The following LRP2BP variants were observed in gnomAD, a reference collection of about 807,000 sequenced individuals.
LRP2BP encodes LRP2 binding protein.
In LRP2BP, 38 loss-of-function variants were observed where a neutral mutation model predicts 45.2. The observed-to-expected ratio is 0.84, with a 90% CI of 0.65 to 1.10. The LOEUF is 1.10. LRP2BP is among the 50% of genes least tolerant of loss of function. The pLI is 0.00. For synonymous variants in LRP2BP, 153 were observed against 153.9 expected (o/e 0.99, Z 0.04); for missense variants, 385 against 418.9 (o/e 0.92, Z 0.71).
At chr4:185,379,120 G>T in intron 1 of LRP2BP, 1 of 318,492 alleles carries the variant, frequency 3.1e-6, no homozygotes, top group Non-Finnish European at 4.5e-6. Flanking sequence ...CTTTTTAAGA[G>T]TCAATTTCCT....
intron 8 of LRP2BP, among the ~76,000 whole-genome samples, chr4:185,368,794 T>TG (rs1353119277): frequency 7.0e-6 from 1 of 142,276 alleles, no homozygotes; most frequent in Non-Finnish European, 1.5e-5. Context: ...GAATCTGTTT[T>TG]GTTTTTTTTT....
chr4:185,367,302 TC>T, intron 8 of LRP2BP, 57 bp from the exon 9 acceptor site: 5 of 1,412,456 alleles, frequency 3.5e-6, no homozygotes, highest in South Asian at 1.3e-5. Flanking sequence ...GGGTCTTTCT[TC>T]TTTTTTTTTT....
At position 185,389,029 on chromosome 4, in the gene LRP2BP, G is replaced by A. The variant is rs189214912; in HGVS notation, c.-22+5750C>T. ...CAAGTAGCTGGGATTACAAGTGCCT[G>A]CCACCACACCCAGCTAATTTTTGTA... is the stretch of plus-strand genomic sequence containing the variant. On this transcript the variant is annotated intron_variant, in intron 1 of 8. Transcript: ENST00000505916. 5.5e-3 allele frequency among the ~76,000 whole-genome samples: 829 copies of A among 150,996 alleles called. 8 individuals are homozygous for A. The highest frequency in any genetic ancestry group is 0.019 in the African/African-American group (787 of 41,098).
At chr4:185,375,318 G>T (rs1361822624) in intron 4 of LRP2BP, among the ~76,000 whole-genome samples, 1 of 148,666 alleles carries the variant, frequency 6.7e-6, no homozygotes, top group Admixed American at 6.7e-5. Flanking sequence ...TTAGCCAGGC[G>T]TGGTGGCAGT....
At chr4:185,383,872 G>A (rs911673245) in intron 1 of LRP2BP, among the ~76,000 whole-genome samples, 19 of 152,170 alleles carry the variant, frequency 1.2e-4, no homozygotes, top group Non-Finnish European at 2.4e-4. Context: ...AGGCAGGTGC[G>A]CCGTGTTTTT....
intron 1 of LRP2BP, among the ~76,000 whole-genome samples, chr4:185,386,104 A>G (rs2095471137): frequency 6.6e-6 from 1 of 152,232 alleles, no homozygotes; most frequent in African/African-American, 2.4e-5. Context: ...GAGTCGTGGT[A>G]TCACCATTAT....
In LRP2BP at chr4:185,370,775, G is replaced by C. The variant is rs775396907; in HGVS notation, c.843C>G (p.Ile281Met). ...DYDEVHDIPM[I>M]AQVTDCLPEF... ...CCGGGAGACAGTCTGTGACCTGGGC[G>C]ATCATGGGGATGTCGTGAACCTCAT... is the stretch of plus-strand genomic sequence containing the variant. The change falls in exon 8 of 9, where the codon ATC (isoleucine) becomes ATG (methionine). Residue 281 changes from isoleucine (I) to methionine (M), a missense_variant. Ile to Met is a conservative substitution (Grantham distance 10, BLOSUM62 1). Coordinates refer to ENST00000505916, the MANE Select transcript of LRP2BP (RefSeq NM_001377440.1). 4 of 1,614,104 alleles carry C rather than the reference G, an allele frequency of 2.5e-6. No homozygotes were observed. Among genetic ancestry groups the C allele is most frequent in the Non-Finnish European group, 3.4e-6 (4 of 1,180,002 alleles).
intron 8 of LRP2BP, among the ~76,000 whole-genome samples, chr4:185,369,227 CTTTTTTTTTTT>C (rs35543353): frequency 9.9e-6 from 1 of 100,930 alleles, no homozygotes; most frequent in Non-Finnish European, 1.9e-5. Flanking sequence ...ATACAGAGAG[CTTTTTTTTTTT>C]TTTTTTTTTT....
chr4:185,371,765 A>G (rs1033494890), intron 7 of LRP2BP, among the ~76,000 whole-genome samples: 2 of 152,138 alleles, frequency 1.3e-5, no homozygotes, highest in African/African-American at 4.8e-5. Flanking sequence ...GACACTGGCA[A>G]TCACTCCTGT....
rs542430723 is a variant in LRP2BP at position 185,395,775 on chromosome 4, C to G, written c.-1018G>C. ...TAGAGGACAAGCATGAACTTGTTTT[C>G]TAACAGCATAACAATAAACGTATTT... On this transcript the variant is annotated 5_prime_UTR_variant, in exon 1 of 9. Coordinates refer to ENST00000505916, the MANE Select transcript of LRP2BP (RefSeq NM_001377440.1). The G allele has an allele frequency of 7.6e-4, 746 of 985,286 alleles. No individual in the cohort carries two copies. Among genetic ancestry groups the G allele is most frequent in the Middle Eastern group, 1.0e-3 (2 of 1,934 alleles). The allele number at this position is 985,286 out of a possible 1,614,324, so 61.0% of individuals were successfully genotyped here.
chr4:185,380,510 T>C (rs2095452797), intron 1 of LRP2BP, among the ~76,000 whole-genome samples: 1 of 152,190 alleles, frequency 6.6e-6, no homozygotes, highest in Non-Finnish European at 1.5e-5. Flanking sequence ...CCTCTGCCTC[T>C]GTGTTTACAT....
rs2095497696 is a variant in LRP2BP, at chr4:185,394,879, G to A, written c.-122C>T. Reference sequence around the variant, plus strand: ...AACATGTAGAATTAGCACTGCTTAGGAGAACGCCTATAAAATATGCATCTT... The same window carrying A: ...AACATGTAGAATTAGCACTGCTTAGAAGAACGCCTATAAAATATGCATCTT... On this transcript the variant is annotated 5_prime_UTR_variant, in exon 1 of 9. Coordinates refer to ENST00000505916, the MANE Select transcript of LRP2BP (RefSeq NM_001377440.1). 2 of 985,384 alleles carry A rather than the reference G, an allele frequency of 2.0e-6. No individual in the cohort carries two copies. Among genetic ancestry groups the A allele is most frequent in the Non-Finnish European group, 2.4e-6 (2 of 829,928 alleles). The allele number at this position is 985,384 out of a possible 1,614,324, so 61.0% of individuals were successfully genotyped here.
At chr4:185,367,666 G>A (rs1345295500) in intron 8 of LRP2BP, among the ~76,000 whole-genome samples, 1 of 152,012 alleles carries the variant, frequency 6.6e-6, no homozygotes. Context: ...TAGTGACAAG[G>A]TGCATAATTT....
chr4:185,378,548 A>C (rs764616992), intron 1 of LRP2BP: 3 of 1,033,738 alleles, frequency 2.9e-6, no homozygotes, highest in Non-Finnish European at 3.5e-6. Flanking sequence ...GACACTGCCC[A>C]CAGTCAGAGC....
At chr4:185,377,927 T>A in intron 2 of LRP2BP, 154 bp downstream of exon 2, 1 of 626,896 alleles carries the variant, frequency 1.6e-6, no homozygotes, top group Non-Finnish European at 2.7e-6. Context: ...AATGAGCAAT[T>A]TCACAGATTC....
At chr4:185,376,573 C>A (rs534986896) in intron 3 of LRP2BP, among the ~76,000 whole-genome samples, 1 of 151,320 alleles carries the variant, frequency 6.6e-6, no homozygotes, top group Non-Finnish European at 1.5e-5. Flanking sequence ...GGATTACAGG[C>A]GTGAGCCACC....
chr4:185,372,948 T>G lies in LRP2BP; in HGVS notation c.711A>C (p.Ala237=). Residue 237 remains alanine (A), a synonymous_variant, in exon 7 of 9, where the codon GCA becomes GCC. Coordinates refer to ENST00000505916, the MANE Select transcript of LRP2BP (RefSeq NM_001377440.1). ...TEAALQCLRE[A]AERGNVYAQG... Reference sequence around the variant, plus strand: ...GAGCATAGACGTTTCCGCGTTCTGCTGCTTCTCTTAAGCACTGCAGGGCAG... The same window carrying G: ...GAGCATAGACGTTTCCGCGTTCTGCGGCTTCTCTTAAGCACTGCAGGGCAG... 1 of 1,614,048 alleles carries G rather than the reference T, an allele frequency of 6.2e-7. No individual in the cohort carries two copies. Among genetic ancestry groups the G allele is most frequent in the East Asian group, 2.2e-5 (1 of 44,880 alleles).
Position 185,364,883 on chromosome 4 carries a change from C to T in LRP2BP, c.*2297G>A, listed in dbSNP as rs948727804. ...GCATAATTCTATGCTATCATTTAAA[C>T]TGTAGCTGTTAAGTTTACATTGCGA... On this transcript the variant is annotated 3_prime_UTR_variant, in exon 9 of 9. Coordinates refer to ENST00000505916, the MANE Select transcript of LRP2BP (RefSeq NM_001377440.1). 2 of 152,188 alleles carry T rather than the reference C, an allele frequency of 1.3e-5. No homozygotes were observed. Among genetic ancestry groups the T allele is most frequent in the Non-Finnish European group, 2.9e-5 (2 of 68,040 alleles). The allele number at this position is 152,188 out of a possible 1,614,324, so 9.4% of individuals were successfully genotyped here.
rs2095388991 is a variant in LRP2BP, at chr4:185,366,661, C to A, written c.*519G>T. 1 of 152,104 alleles carries A rather than the reference C, an allele frequency of 6.6e-6. No homozygotes were observed. The highest frequency in any genetic ancestry group is 6.5e-5 in the Admixed American group (1 of 15,270). The allele number at this position is 152,104 out of a possible 1,614,324, so 9.4% of individuals were successfully genotyped here. On this transcript the variant is annotated 3_prime_UTR_variant, in exon 9 of 9. Transcript: ENST00000505916. ...TTTAATTCTTTAAATGTCTTTTACC[C>A]TTAGTTTTGTGAAATTTTAAATTTT...
Sources: allele counts gnomAD v4.1 joint callset (sites outside exome capture counted in the v4.1 genomes callset), GRCh38; gene constraint gnomAD v4.1.1; transcripts MANE v1.5; gene names NCBI Gene and HGNC (gene_info 2026-07-23, HGNC 2026-07-21).